The following RNF17 variants were observed in gnomAD, a reference collection of about 807,000 sequenced individuals.
RNF17 encodes spermatogenesis associated 23.
Under a neutral mutation model 200.5 loss-of-function variants are expected in RNF17, and 31 were observed. The ratio of observed to expected loss-of-function variants is 0.15; its 90% confidence interval spans 0.12 to 0.21. RNF17 has a LOEUF of 0.21. Among genes scored for constraint, RNF17 ranks in the 10% least tolerant of loss-of-function variants. RNF17 has a pLI of 1.00. For synonymous variants in RNF17, 606 were observed against 637.8 expected (o/e 0.95, Z 0.75); for missense variants, 1,628 against 1,905.1 (o/e 0.85, Z 2.71).
chr13:24,880,861 G>A (rs1490441088), downstream of RNF17, among the ~76,000 whole-genome samples: 4 of 152,134 alleles, frequency 2.6e-5, no homozygotes, highest in South Asian at 6.2e-4. Flanking sequence ...ACTTGGTGTC[G>A]CCAGACTTTT....
intron 6 of RNF17, among the ~76,000 whole-genome samples, chr13:24,783,316 A>C (rs1882680438): frequency 6.6e-6 from 1 of 152,170 alleles, no homozygotes; most frequent in African/African-American, 2.4e-5. Flanking sequence ...AAGTTTTAAA[A>C]TCAGAATGTG....
chr13:24,767,017 A>G (rs970617253), intron 1 of RNF17, among the ~76,000 whole-genome samples: 7 of 152,200 alleles, frequency 4.6e-5, no homozygotes, highest in East Asian at 1.9e-4. Context: ...TTGTATCAGT[A>G]TTGCCCATTC....
intron 15 of RNF17, among the ~76,000 whole-genome samples, chr13:24,814,967 C>G (rs1236768551): frequency 6.6e-6 from 1 of 152,120 alleles, no homozygotes; most frequent in Admixed American, 6.5e-5. Context: ...AATTTTGTGT[C>G]TAGCAGCTTT....
At chr13:24,791,069 G>T (rs1883786176) in intron 9 of RNF17, among the ~76,000 whole-genome samples, 1 of 152,156 alleles carries the variant, frequency 6.6e-6, no homozygotes, top group South Asian at 2.1e-4. Flanking sequence ...TATAGTTCTA[G>T]GGAGTAGAAA....
chr13:24,752,964 T>C, the RNF17 span, among the ~76,000 whole-genome samples: 13 of 152,286 alleles, frequency 8.5e-5, no homozygotes, highest in Non-Finnish European at 1.9e-4. Context: ...CATCTCATGC[T>C]ACTCCCCCTC....
intron 22 of RNF17, among the ~76,000 whole-genome samples, chr13:24,847,490 C>T (rs539621202): frequency 6.6e-5 from 10 of 151,892 alleles, no homozygotes; most frequent in Non-Finnish European, 1.2e-4. Flanking sequence ...GAATTACAGG[C>T]GTGCACCACC....
Position 24,802,409 on chromosome 13 carries a change from T to C in RNF17, c.1787T>C (p.Val596Ala), listed in dbSNP as rs571574749. 3.1e-6 allele frequency: 5 copies of C among 1,613,124 alleles called. No individual in the cohort carries two copies. The Admixed American group carries it at 8.4e-5, about 27-fold the overall frequency. ...SNEGWEEEAKVEFLKMVNNKA... is the reference protein window; with the variant it reads ...SNEGWEEEAKAEFLKMVNNKA... Reference sequence around the variant, plus strand: ...GAAGGCTGGGAAGAGGAAGCTAAAGTGGAATTTTTGAAAATGGTAAATAAC... The same window carrying C: ...GAAGGCTGGGAAGAGGAAGCTAAAGCGGAATTTTTGAAAATGGTAAATAAC... Residue 596 changes from valine (V) to alanine (A), a missense_variant, in exon 14 of 36, where the codon GTG becomes GCG. Physicochemically the swap from Val to Ala is moderately conservative, Grantham distance 64. Transcript: ENST00000255324.
intron 15 of RNF17, among the ~76,000 whole-genome samples, chr13:24,817,100 A>G (rs1375911297): frequency 6.6e-6 from 1 of 152,214 alleles, no homozygotes; most frequent in Non-Finnish European, 1.5e-5. Context: ...TAGTGTCTTC[A>G]TATAGCTTTG....
intron 19 of RNF17, 89 bp downstream of exon 19, chr13:24,842,250 T>A: frequency 8.4e-7 from 1 of 1,194,422 alleles, no homozygotes. Context: ...TCATTCCCCA[T>A]TGGAGATGAG....
chr13:24,753,731 GA>G, the RNF17 span, among the ~76,000 whole-genome samples: 1 of 152,218 alleles, frequency 6.6e-6, no homozygotes, highest in Non-Finnish European at 1.5e-5. Flanking sequence ...AATCAATATA[GA>G]GGATCTTGTC....
the RNF17 span, among the ~76,000 whole-genome samples, chr13:24,752,963 C>G: frequency 4.8e-4 from 73 of 152,294 alleles, no homozygotes; most frequent in Non-Finnish European, 9.3e-4. Flanking sequence ...TCATCTCATG[C>G]TACTCCCCCT....
At chr13:24,775,023 G>A in intron 3 of RNF17, 119 bp downstream of exon 3, 1 of 637,506 alleles carries the variant, frequency 1.6e-6, no homozygotes, top group Admixed American at 3.0e-5. Context: ...TTTATGGAAT[G>A]CTCTTTAAGT....
At chr13:24,800,713 C>T (rs769224775) in intron 13 of RNF17, among the ~76,000 whole-genome samples, 179 bp downstream of exon 13, 4 of 152,114 alleles carry the variant, frequency 2.6e-5, no homozygotes, top group African/African-American at 4.8e-5. Context: ...CAATTGAAAA[C>T]ATTTTTAATG....
intron 27 of RNF17, 31 bp downstream of exon 27, chr13:24,861,418 A>G: frequency 7.5e-7 from 1 of 1,334,120 alleles, no homozygotes; most frequent in Non-Finnish European, 1.0e-6. Flanking sequence ...GGAATGATTA[A>G]TTTTAAATAT....
intron 15 of RNF17, among the ~76,000 whole-genome samples, chr13:24,815,125 C>T (rs1887223834): frequency 1.3e-5 from 2 of 152,128 alleles, no homozygotes; most frequent in Non-Finnish European, 2.9e-5. Flanking sequence ...TTGTAAATCA[C>T]TTTGGATAGC....
In RNF17 at chr13:24,776,004, A is replaced by G. The variant is rs1381892253; in HGVS notation, c.317+1100A>G. Among the ~76,000 whole-genome samples the G allele has an allele frequency of 2.0e-5, 3 of 152,196 alleles. No individual in the cohort carries two copies. The East Asian group carries it at 5.8e-4, about 29-fold the overall frequency. On this transcript the variant is annotated intron_variant, in intron 3 of 35. Transcript: ENST00000255324. ...GTACTCAGATGGTAATTTGTATATA[A>G]CTAAACTTTCTAAGCATATTTAATA...
At position 24,843,853 on chromosome 13, in the gene RNF17, C is replaced by G; in HGVS notation, c.2713C>G (p.Leu905Val). 1.2e-6 allele frequency: 2 copies of G among 1,606,942 alleles called. No homozygotes were observed. The highest frequency in any genetic ancestry group is 1.7e-6 in the Non-Finnish European group (2 of 1,174,266). ...HNLNPVSAKSLPNENFQSLYN... is the reference protein window; with the variant it reads ...HNLNPVSAKSVPNENFQSLYN... The stretch of plus-strand genomic sequence containing the variant: ...CTTAAATCCTGTGTCTGCAAAATCT[C>G]TACCTAATGAGAATTTTCAGTCACT... The change falls in exon 20 of 36, where the codon CTA becomes GTA. Residue 905 changes from leucine (L) to valine (V), a missense_variant. Leu to Val is a conservative substitution (Grantham distance 32). Transcript: ENST00000255324.
At chr13:24,748,450 AG>A in the RNF17 span, among the ~76,000 whole-genome samples, 59 of 152,252 alleles carry the variant, frequency 3.9e-4, no homozygotes, top group Admixed American at 3.9e-3. Flanking sequence ...CAAGTTCAAT[AG>A]TGAATGTTCA....
At chr13:24,835,516 C>T (rs1174648527) in intron 18 of RNF17, among the ~76,000 whole-genome samples, 2 of 152,156 alleles carry the variant, frequency 1.3e-5, no homozygotes, top group African/African-American at 4.8e-5. Flanking sequence ...AGACAACCCC[C>T]AGTACCAGCG....
Sources: gnomAD v4.1 joint callset for allele counts (sites outside exome capture counted in the v4.1 genomes callset) on GRCh38, gnomAD v4.1.1 for gene constraint, MANE v1.5 for transcripts, NCBI Gene and HGNC (gene_info 2026-07-23, HGNC 2026-07-21) for gene names.